SRSF9: variants seen among roughly 807,000 people sequenced by gnomAD.
SRSF9 encodes serine/arginine-rich splicing factor 9.
A neutral mutation model predicts 25.9 loss-of-function variants in SRSF9; 3 were observed. The observed-to-expected ratio is 0.12, with a 90% CI of 0.05 to 0.30. The LOEUF is 0.30. Ranked by LOEUF, SRSF9 falls within the 10% of genes least tolerant of loss-of-function variation. SRSF9 has a pLI of 1.00. For missense variants in SRSF9, 161 were observed against 303.5 expected (o/e 0.53, Z 3.49); for synonymous variants, 114 against 113.2 (o/e 1.01, Z -0.05).
At chr12:120,464,611 T>C (rs567488862) in intron 2 of SRSF9, 1 of 153,840 alleles carries the variant, frequency 6.5e-6, no homozygotes, top group Admixed American at 6.4e-5. Context: ...GTTTGTTTTC[T>C]TGTAGGTATG....
chr12:120,469,553 C>G lies in SRSF9; in HGVS notation c.57G>C (p.Gly19=). 6.3e-7 allele frequency: 1 copy of G among 1,579,308 alleles called. No individual in the cohort carries two copies. Among genetic ancestry groups the G allele is most frequent in the Non-Finnish European group, 8.6e-7 (1 of 1,165,466 alleles). The change falls in exon 1 of 4, where the codon GGG becomes GGC. Residue 19 remains glycine, a synonymous_variant. Coordinates refer to ENST00000229390, the MANE Select transcript of SRSF9 (RefSeq NM_003769.3). ...GGEGDGRIYV[G]NLPTDVREKD... ...TCTCGCGCACGTCGGTCGGAAGGTT[C>G]CCCACGTAGATGCGCCCGTCGCCCT... is the stretch of plus-strand genomic sequence containing the variant.
chr12:120,469,489 G>A lies in SRSF9; in HGVS notation c.121C>T (p.Arg41Cys), dbSNP rs1017747664. Residue 41 changes from arginine to cysteine, a missense_variant, in exon 1 of 4, where the codon CGC becomes TGC. By Grantham distance (180) the Arg-to-Cys change is radical. Transcript: ENST00000229390. ...EDLFYKYGRI[R>C]EIELKNRHGL... is the part of the protein sequence containing the mutation. Reference sequence around the variant, plus strand: ...TGCCGGTTCTTGAGCTCGATCTCGCGGATGCGGCCGTACTTGTAGAACAGG... The same window carrying A: ...TGCCGGTTCTTGAGCTCGATCTCGCAGATGCGGCCGTACTTGTAGAACAGG... 2 of 1,602,384 alleles carry A rather than the reference G, an allele frequency of 1.2e-6. No homozygotes were observed. The highest frequency in any genetic ancestry group is 1.7e-6 in the Non-Finnish European group (2 of 1,175,654).
intron 3 of SRSF9, chr12:120,463,117 A>C (rs993436411): frequency 1.1e-5 from 1 of 92,450 alleles, no homozygotes; most frequent in African/African-American, 6.6e-5. Context: ...AACCAGAAAA[A>C]AACAATGTCC....
At chr12:120,468,897 A>G (rs1187322458) in intron 1 of SRSF9, among the ~76,000 whole-genome samples, 1 of 152,048 alleles carries the variant, frequency 6.6e-6, no homozygotes, top group Non-Finnish European at 1.5e-5. Context: ...TCCCTTTACA[A>G]AGCCCGGGCC....
At chr12:120,464,743 G>C (rs1592991587) in intron 2 of SRSF9, 1 of 152,360 alleles carries the variant, frequency 6.6e-6, no homozygotes, top group East Asian at 1.9e-4. Flanking sequence ...CTGATGTCAT[G>C]AAAGGGAAAT....
chr12:120,465,531 C>T (rs1469880796), intron 2 of SRSF9, 96 bp downstream of exon 2: 1 of 1,364,060 alleles, frequency 7.3e-7, no homozygotes, highest in Non-Finnish European at 9.7e-7. Flanking sequence ...CCCCGTGTCC[C>T]ATGCACTGAA....
chr12:120,469,224 G>A (rs893624462), intron 1 of SRSF9, among the ~76,000 whole-genome samples, 198 bp downstream of exon 1: 1 of 152,018 alleles, frequency 6.6e-6, no homozygotes, highest in Middle Eastern at 3.2e-3. Context: ...TAAAGGAAGT[G>A]ACGACGGCGC....
intron 1 of SRSF9, among the ~76,000 whole-genome samples, chr12:120,466,363 AAGT>A (rs529330928): frequency 3.9e-5 from 6 of 152,114 alleles, no homozygotes; most frequent in South Asian, 2.1e-4. Flanking sequence ...AGGAAAAAAA[AAGT>A]AGCCAGTTAG....
chr12:120,464,309 T>C (rs1878434112), intron 2 of SRSF9, 187 bp from the exon 3 acceptor site: 1 of 569,732 alleles, frequency 1.8e-6, no homozygotes, highest in Non-Finnish European at 2.9e-6. Context: ...ATGAACCACC[T>C]TGAGAAGCTG....
At position 120,469,632 on chromosome 12, in the gene SRSF9, C is replaced by CCCGCCGCAGCCCACGTCG; in HGVS notation, c.-41_-24dup. ...CATCCGCACCGCCCGACGCCGCGGG[C>CCCGCCGCAGCCCACGTCG]CCGCCGCAGCCCACGTCGCCGCCGC... is the stretch of plus-strand genomic sequence containing the variant. On this transcript the variant is annotated 5_prime_UTR_variant, in exon 1 of 4. Transcript: ENST00000229390. 1 of 1,302,864 alleles carries CCCGCCGCAGCCCACGTCG rather than the reference C, an allele frequency of 7.7e-7. No homozygotes were observed. Among genetic ancestry groups the CCCGCCGCAGCCCACGTCG allele is most frequent in the African/African-American group, 1.6e-5 (1 of 64,120 alleles). The allele number at this position is 1,302,864 out of a possible 1,614,324, so 80.7% of individuals were successfully genotyped here. A position where few individuals can be genotyped will look rare whatever the true frequency, so the allele number is the denominator to read the frequency against.
In SRSF9 at chr12:120,462,004, T is replaced by C. The variant is rs755150306; in HGVS notation, c.*15A>G. On this transcript the variant is annotated 3_prime_UTR_variant, in exon 4 of 4. Transcript: ENST00000229390. ...GTTAACCTAAAAAATAAAGAAAAAA[T>C]TCCCATCACCTGTCTCAGTAGGGCC... 1.9e-6 allele frequency: 3 copies of C among 1,586,946 alleles called. No homozygotes were observed. The highest frequency in any genetic ancestry group is 2.6e-6 in the Non-Finnish European group (3 of 1,167,844).
intron 1 of SRSF9, among the ~76,000 whole-genome samples, 160 bp downstream of exon 1, chr12:120,469,262 G>C (rs528787224): frequency 6.6e-6 from 1 of 152,266 alleles, no homozygotes; most frequent in Admixed American, 6.5e-5. Context: ...TGCGAGGAGA[G>C]GCTGCCTCAT....
At chr12:120,467,402 G>A (rs1195810922) in intron 1 of SRSF9, among the ~76,000 whole-genome samples, 1 of 152,116 alleles carries the variant, frequency 6.6e-6, no homozygotes, top group Non-Finnish European at 1.5e-5. Flanking sequence ...TCAGGAGGCT[G>A]AGGCACGAGA....
intron 1 of SRSF9, 143 bp downstream of exon 1, chr12:120,469,279 C>T: frequency 3.7e-6 from 2 of 539,086 alleles, no homozygotes; most frequent in South Asian, 5.0e-5. Flanking sequence ...TCATCCTCCA[C>T]CCGTGAGGGG....
chr12:120,464,278 G>A, intron 2 of SRSF9, 156 bp from the exon 3 acceptor site: 2 of 824,512 alleles, frequency 2.4e-6, no homozygotes, highest in Non-Finnish European at 3.6e-6. Flanking sequence ...TCAGAAAAGA[G>A]CACTGAAGTA....
chr12:120,468,260 C>T (rs953899250), intron 1 of SRSF9, among the ~76,000 whole-genome samples: 1 of 151,724 alleles, frequency 6.6e-6, no homozygotes, highest in African/African-American at 2.4e-5. Flanking sequence ...TGGTGAAACC[C>T]CTAATTTATC....
At chr12:120,462,528 G>A (rs893696044) in intron 3 of SRSF9, 9 of 170,992 alleles carry the variant, frequency 5.3e-5, no homozygotes, top group Admixed American at 1.8e-4. Flanking sequence ...TTAATCCCCT[G>A]CCACCTCATG....
Position 120,463,984 on chromosome 12 carries a change from C to A in SRSF9, c.488G>T (p.Arg163Leu). The A allele has an allele frequency of 6.2e-7, 1 of 1,613,246 alleles. No homozygotes were observed. Among genetic ancestry groups the A allele is most frequent in the South Asian group, 1.1e-5 (1 of 90,948 alleles). Residue 163 changes from arginine (R) to leucine (L), a missense_variant, in exon 3 of 4, where the codon CGT (arginine) becomes CTT (leucine). Arg to Leu is a moderately radical substitution (Grantham distance 102). This residue lies in a region of SRSF9 where 41 missense variants were observed against 126.7 expected (regional missense o/e 0.32). Transcript: ENST00000229390. ...LRKEDMEYAL[R>L]KLDDTKFRSH... ...GCGGAATTTGGTGTCATCCAGTTTA[C>A]GCAGGGCATATTCCATGTCTTCTTT...
At position 120,469,704 on chromosome 12, in the gene SRSF9, G is replaced by T. The variant is rs1878595040; in HGVS notation, c.-95C>A. On this transcript the variant is annotated 5_prime_UTR_variant, in exon 1 of 4. Coordinates refer to ENST00000229390, the MANE Select transcript of SRSF9 (RefSeq NM_003769.3). ...GCAGCGTCCCCGCGGGCTCCGAGGC[G>T]CTCAGCCGCACTGCATTGTGGGAAC... 1 of 777,228 alleles carries T rather than the reference G, an allele frequency of 1.3e-6. No individual in the cohort carries two copies. Among genetic ancestry groups the T allele is most frequent in the East Asian group, 4.7e-5 (1 of 21,450 alleles). The allele number at this position is 777,228 out of a possible 1,614,324, so 48.1% of individuals were successfully genotyped here.
Sources: allele counts gnomAD v4.1 joint callset (sites outside exome capture counted in the v4.1 genomes callset), GRCh38; gene constraint gnomAD v4.1.1; regional missense constraint gnomAD v4.1.1; transcripts MANE v1.5; gene names NCBI Gene and HGNC (gene_info 2026-07-23, HGNC 2026-07-21).